The following FSTL5 variants were observed in gnomAD, a reference collection of about 807,000 sequenced individuals.
FSTL5 encodes follistatin like 5, also known as follistatin-related protein 5.
In FSTL5, 62 loss-of-function variants were observed where a neutral mutation model predicts 89.1. That is an observed-to-expected ratio of 0.70 (90% CI 0.57 to 0.86). The LOEUF (loss-of-function observed/expected upper bound fraction) is 0.86. FSTL5 is among the 40% of genes least tolerant of loss of function. FSTL5 has a pLI of 0.00. For synonymous variants in FSTL5, 383 were observed against 346.2 expected, an observed-to-expected ratio of 1.11 and a Z score of -1.18; for missense variants, 1,057 against 1,001.6, an observed-to-expected ratio of 1.06 and a Z score of -0.75.
chr4:161,416,774 G>C (rs1049165672), intron 15 of FSTL5, among the ~76,000 whole-genome samples: 1 of 151,618 alleles, frequency 6.6e-6, no homozygotes, highest in Non-Finnish European at 1.5e-5. Context: ...GAACCCGGGA[G>C]GTGGAGCTTG....
intron 4 of FSTL5, among the ~76,000 whole-genome samples, chr4:161,819,225 G>GT (rs1730420227): frequency 6.6e-6 from 1 of 151,636 alleles, no homozygotes; most frequent in Non-Finnish European, 1.5e-5. Context: ...AAATTTGTTT[G>GT]TTTTTCATGA....
intron 4 of FSTL5, among the ~76,000 whole-genome samples, chr4:161,788,847 A>C (rs1742010860): frequency 6.6e-6 from 1 of 152,188 alleles, no homozygotes; most frequent in Non-Finnish European, 1.5e-5. Flanking sequence ...ACAGTGAGCC[A>C]CGATTGTGCT....
chr4:162,138,249 G>C (rs1732592355), intron 1 of FSTL5, among the ~76,000 whole-genome samples: 1 of 152,086 alleles, frequency 6.6e-6, no homozygotes, highest in Non-Finnish European at 1.5e-5. Flanking sequence ...CAGTTTTGGA[G>C]AAATTACAGT....
intron 12 of FSTL5, among the ~76,000 whole-genome samples, chr4:161,494,500 A>G (rs1211137852): frequency 1.3e-5 from 2 of 152,220 alleles, no homozygotes; most frequent in Non-Finnish European, 2.9e-5. Flanking sequence ...GCAGAGAAAG[A>G]AATGTGGACC....
chr4:161,404,237 G>A (rs1016817365), intron 15 of FSTL5, among the ~76,000 whole-genome samples: 5 of 152,324 alleles, frequency 3.3e-5, no homozygotes, highest in African/African-American at 1.2e-4. Flanking sequence ...AAATGATGAA[G>A]CTACTGAAGC....
At chr4:161,920,852 C>T (rs1560917707) in intron 3 of FSTL5, among the ~76,000 whole-genome samples, 200 bp from the exon 4 acceptor site, 2 of 152,078 alleles carry the variant, frequency 1.3e-5, no homozygotes, top group Non-Finnish European at 2.9e-5. Context: ...TTCTTCCCTT[C>T]TTCCTCTCCT....
intron 6 of FSTL5, among the ~76,000 whole-genome samples, chr4:161,718,205 T>C (rs1739062466): frequency 2.0e-5 from 3 of 152,194 alleles, no homozygotes; most frequent in Admixed American, 6.5e-5. Flanking sequence ...AAATTGGAAA[T>C]GAACTTCACT....
At chr4:161,446,504 C>T (rs539841848) in intron 15 of FSTL5, among the ~76,000 whole-genome samples, 21 of 151,934 alleles carry the variant, frequency 1.4e-4, no homozygotes, top group African/African-American at 4.3e-4. Context: ...AAGTAAGATG[C>T]TATAATAAAA....
chr4:161,787,680 T>A (rs191600566), intron 4 of FSTL5, among the ~76,000 whole-genome samples: 19 of 152,264 alleles, frequency 1.2e-4, no homozygotes, highest in African/African-American at 4.6e-4. Context: ...GACATTTTGA[T>A]TTTTACCATA....
chr4:162,117,518 A>T (rs1442179215), intron 1 of FSTL5, among the ~76,000 whole-genome samples: 2 of 152,202 alleles, frequency 1.3e-5, no homozygotes, highest in East Asian at 3.9e-4. Flanking sequence ...TAGGTGCGAG[A>T]CAGGAGAAGG....
At position 161,430,695 on chromosome 4, in the gene FSTL5, C is replaced by T. The variant is rs62326363; in HGVS notation, c.1841+24309G>A. ...GCGGAGCTTGCAGTGAGCCAAGATC[C>T]GGCTACTGCATTCCAGCCTGGGCGA... On this transcript the variant is annotated intron_variant, in intron 15 of 15. Transcript: ENST00000306100. Among the ~76,000 whole-genome samples, 121 of 152,086 alleles carry T rather than the reference C, an allele frequency of 8.0e-4. 1 individual carries two copies. Among genetic ancestry groups the T allele is most frequent in the African/African-American group, 2.3e-3 (94 of 41,496 alleles).
chr4:161,526,472 C>T (rs1432996932), intron 10 of FSTL5, among the ~76,000 whole-genome samples: 4 of 152,084 alleles, frequency 2.6e-5, no homozygotes, highest in Admixed American at 6.6e-5. Flanking sequence ...CATTTTACTG[C>T]GTGAGATAGA....
rs566111880 is a variant in FSTL5 at position 161,559,992 on chromosome 4, A to G, written c.1016-17299T>C. Among the ~76,000 whole-genome samples the G allele has an allele frequency of 1.7e-4, 26 of 151,984 alleles. No individual in the cohort carries two copies. The South Asian group carries it at 2.3e-3, about 13-fold the overall frequency. On this transcript the variant is annotated intron_variant, in intron 8 of 15. Coordinates refer to ENST00000306100, the MANE Select transcript of FSTL5 (RefSeq NM_020116.5). ...CACATGCAACCCAAGACAGCTTTCA[A>G]TGCAGCCCAACACAAATTTGTAAAC...
intron 2 of FSTL5, among the ~76,000 whole-genome samples, chr4:162,061,472 G>C (rs984538960): frequency 2.6e-5 from 4 of 152,134 alleles, no homozygotes; most frequent in Non-Finnish European, 5.9e-5. Context: ...TCAAGCGACA[G>C]TACTTTCAGT....
intron 7 of FSTL5, among the ~76,000 whole-genome samples, chr4:161,622,836 G>C (rs1006643408): frequency 6.6e-6 from 1 of 152,068 alleles, no homozygotes; most frequent in Admixed American, 6.6e-5. Context: ...ATATGTGTGT[G>C]TATTTAAGTA....
At chr4:161,391,039 A>T (rs1468937673) in intron 15 of FSTL5, among the ~76,000 whole-genome samples, 2 of 152,180 alleles carry the variant, frequency 1.3e-5, no homozygotes, top group African/African-American at 2.4e-5. Context: ...AAAAGTAGTG[A>T]GGGGTGATTA....
At chr4:161,441,676 A>T (rs1349173641) in intron 15 of FSTL5, among the ~76,000 whole-genome samples, 1 of 152,108 alleles carries the variant, frequency 6.6e-6, no homozygotes, top group Non-Finnish European at 1.5e-5. Flanking sequence ...CTACCTGAGG[A>T]AAAAATAGGT....
At chr4:161,783,161 C>A (rs939642410) in intron 4 of FSTL5, among the ~76,000 whole-genome samples, 1 of 152,092 alleles carries the variant, frequency 6.6e-6, no homozygotes, top group African/African-American at 2.4e-5. Context: ...ATTTATTTTA[C>A]CCCCCAAAAA....
At chr4:161,495,949 T>G (rs1438446629) in intron 12 of FSTL5, among the ~76,000 whole-genome samples, 1 of 151,166 alleles carries the variant, frequency 6.6e-6, no homozygotes, top group African/African-American at 2.4e-5. Flanking sequence ...TTTCACTGTG[T>G]AATCCTGAAT....
Sources: allele counts gnomAD v4.1 joint callset (sites outside exome capture counted in the v4.1 genomes callset), GRCh38; gene constraint gnomAD v4.1.1; transcripts MANE v1.5; gene names NCBI Gene and HGNC (gene_info 2026-07-23, HGNC 2026-07-21).